RNF17: variants seen among roughly 807,000 people sequenced by gnomAD.
RNF17 encodes spermatogenesis associated 23.
A neutral mutation model predicts 200.5 loss-of-function variants in RNF17; 31 were observed. The ratio of observed to expected loss-of-function variants is 0.15; its 90% confidence interval spans 0.12 to 0.21. The LOEUF (loss-of-function observed/expected upper bound fraction) is 0.21. Ranked by LOEUF, RNF17 falls within the 10% of genes least tolerant of loss-of-function variation. RNF17 has a pLI of 1.00. For synonymous variants in RNF17, 606 were observed against 637.8 expected (o/e 0.95, Z 0.75); for missense variants, 1,628 against 1,905.1 (o/e 0.85, Z 2.71).
rs567769207 is a variant in RNF17, at chr13:24,812,250, G to A, written c.2091+7821G>A. Among the ~76,000 whole-genome samples the A allele has an allele frequency of 9.8e-3, 1,493 of 151,638 alleles. 34 individuals are homozygous for A. Among genetic ancestry groups the A allele is most frequent in the African/African-American group, 0.032 (1,345 of 41,506 alleles). ...GCGCCCCTCCCCCAGCCTCGCTGCC[G>A]CCTTGCAGTTTGATCTCAGACTGCT... On this transcript the variant is annotated intron_variant, in intron 15 of 35. Coordinates refer to ENST00000255324, the MANE Select transcript of RNF17 (RefSeq NM_031277.3).
chr13:24,813,558 T>C (rs1236062057), intron 15 of RNF17, among the ~76,000 whole-genome samples: 1 of 152,206 alleles, frequency 6.6e-6, no homozygotes, highest in African/African-American at 2.4e-5. Flanking sequence ...GACTTACAAA[T>C]GCAGTTGATC....
At chr13:24,781,785 A>G in intron 5 of RNF17, 59 bp from the exon 6 acceptor site, 2 of 1,256,258 alleles carry the variant, frequency 1.6e-6, no homozygotes, top group South Asian at 2.7e-5. Flanking sequence ...AAAATTCTAC[A>G]ACTTCTACAA....
intron 7 of RNF17, 134 bp downstream of exon 7, chr13:24,788,293 C>T: frequency 1.7e-6 from 1 of 597,200 alleles, no homozygotes; most frequent in Non-Finnish European, 2.8e-6. Context: ...AAATTGATGA[C>T]AATATAGGTT....
intron 30 of RNF17, among the ~76,000 whole-genome samples, chr13:24,866,476 C>A (rs1893634210): frequency 6.6e-6 from 1 of 152,210 alleles, no homozygotes; most frequent in South Asian, 2.1e-4. Context: ...ACAGCCACTT[C>A]TGTCCCTATG....
chr13:24,748,239 G>A, the RNF17 span, among the ~76,000 whole-genome samples: 2 of 152,202 alleles, frequency 1.3e-5, no homozygotes, highest in African/African-American at 4.8e-5. Context: ...ACAACCAAGT[G>A]GAGCCACAGC....
At chr13:24,825,368 GA>G (rs1351879023) in intron 15 of RNF17, among the ~76,000 whole-genome samples, 1 of 152,116 alleles carries the variant, frequency 6.6e-6, no homozygotes, top group African/African-American at 2.4e-5. Flanking sequence ...TGTATGTATG[GA>G]AAAATATCTT....
chr13:24,881,098 C>G (rs1315429601), downstream of RNF17, among the ~76,000 whole-genome samples: 16 of 151,976 alleles, frequency 1.1e-4, no homozygotes. Context: ...TGGGGCTTGC[C>G]TTTCCCCTGT....
intron 15 of RNF17, among the ~76,000 whole-genome samples, chr13:24,819,843 C>G (rs1308826377): frequency 2.0e-5 from 3 of 152,154 alleles, no homozygotes; most frequent in Non-Finnish European, 4.4e-5. Flanking sequence ...TCTTAATATC[C>G]TCATGTGACT....
rs567446415 is a variant in RNF17 at position 24,832,730 on chromosome 13, T to C, written c.2482+752T>C. Among the ~76,000 whole-genome samples, 5 of 152,038 alleles carry C rather than the reference T, an allele frequency of 3.3e-5. No homozygotes were observed. The South Asian group carries it at 8.3e-4, about 25-fold the overall frequency. On this transcript the variant is annotated intron_variant, in intron 18 of 35. Coordinates refer to ENST00000255324, the MANE Select transcript of RNF17 (RefSeq NM_031277.3). Reference sequence around the variant, plus strand: ...GCCCCAAGGGTTTTAGATAGGGGGATTGGGAATCTGGTTTGGTTTTTTTGT... The same window carrying C: ...GCCCCAAGGGTTTTAGATAGGGGGACTGGGAATCTGGTTTGGTTTTTTTGT...
chr13:24,763,514 G>C (rs555483422), upstream of RNF17, among the ~76,000 whole-genome samples: 64 of 152,158 alleles, frequency 4.2e-4, no homozygotes, highest in African/African-American at 1.5e-3. Context: ...ACCGCGCCGG[G>C]CCCAGAAGGC....
At chr13:24,878,330 T>C (rs1895078766) in intron 34 of RNF17, among the ~76,000 whole-genome samples, 1 of 152,224 alleles carries the variant, frequency 6.6e-6, no homozygotes, top group South Asian at 2.1e-4. Flanking sequence ...GTATTTCTTA[T>C]AGATAGGTAT....
intron 11 of RNF17, 56 bp downstream of exon 11, chr13:24,796,351 C>T (rs1396094498): frequency 8.1e-7 from 1 of 1,229,430 alleles, no homozygotes; most frequent in Non-Finnish European, 1.1e-6. Flanking sequence ...AATATAATAA[C>T]TTGGCCAACC....
chr13:24,840,806 G>A (rs1410197260), intron 18 of RNF17, among the ~76,000 whole-genome samples: 1 of 152,052 alleles, frequency 6.6e-6, no homozygotes, highest in Non-Finnish European at 1.5e-5. Flanking sequence ...TGGGTGATGG[G>A]TGCACCAAAA....
downstream of RNF17, among the ~76,000 whole-genome samples, chr13:24,880,451 T>C (rs577000749): frequency 6.6e-6 from 1 of 152,358 alleles, no homozygotes; most frequent in East Asian, 1.9e-4. Flanking sequence ...TGATTTGGTG[T>C]TTATCATTCA....
chr13:24,775,072 A>G (rs948736786), intron 3 of RNF17, among the ~76,000 whole-genome samples, 168 bp downstream of exon 3: 1 of 152,132 alleles, frequency 6.6e-6, no homozygotes, highest in African/African-American at 2.4e-5. Context: ...TGGAGACTTC[A>G]GCTCTTTAAA....
downstream of RNF17, among the ~76,000 whole-genome samples, chr13:24,881,272 C>G (rs61412592): frequency 6.6e-6 from 1 of 151,914 alleles, no homozygotes; most frequent in Non-Finnish European, 1.5e-5. Context: ...TCCCAAGTAG[C>G]TGGGATTACA....
chr13:24,781,458 T>C (rs7336808), intron 5 of RNF17, among the ~76,000 whole-genome samples: 97,669 of 151,452 alleles, frequency 0.64, 31,875 homozygotes, highest in African/African-American at 0.75. Context: ...ATAATGAGAC[T>C]TTGTTCCTCC....
chr13:24,823,308 A>G (rs533304378), intron 15 of RNF17, among the ~76,000 whole-genome samples: 3 of 152,224 alleles, frequency 2.0e-5, no homozygotes, highest in Admixed American at 2.0e-4. Flanking sequence ...TCCTGACCTC[A>G]TGATCTGCCC....
At chr13:24,771,967 G>A (rs1880793618) in intron 2 of RNF17, among the ~76,000 whole-genome samples, 1 of 152,150 alleles carries the variant, frequency 6.6e-6, no homozygotes, top group Admixed American at 6.5e-5. Context: ...TCGCACTATT[G>A]CACTCCAGCC....
Sources: gnomAD v4.1 joint callset for allele counts (sites outside exome capture counted in the v4.1 genomes callset) on GRCh38, gnomAD v4.1.1 for gene constraint, MANE v1.5 for transcripts, NCBI Gene and HGNC (gene_info 2026-07-23, HGNC 2026-07-21) for gene names.